Variants in MAML3 observed in about 807,000 individuals in gnomAD.
MAML3 encodes the protein mastermind-like protein 3.
In MAML3, 27 loss-of-function variants were observed where a neutral mutation model predicts 101.9. That is an observed-to-expected ratio of 0.27 (90% CI 0.20 to 0.37). MAML3 has a LOEUF of 0.37. Among genes scored for constraint, MAML3 ranks in the 10% least tolerant of loss-of-function variants. The pLI, the probability that MAML3 is intolerant of heterozygous loss-of-function variation, is 1.00. For missense variants in MAML3, 1,316 were observed against 1,444.9 expected (o/e 0.91, Z 1.45); for synonymous variants, 501 against 555.9 (o/e 0.90, Z 1.39).
chr4:140,056,142 C>CTCCA (rs773042761), intron 1 of MAML3, among the ~76,000 whole-genome samples: 6 of 152,184 alleles, frequency 3.9e-5, no homozygotes, highest in Non-Finnish European at 7.3e-5. Context: ...GGGGCGCCAG[C>CTCCA]TCCATGTGTG....
intron 1 of MAML3, among the ~76,000 whole-genome samples, chr4:140,110,197 C>T (rs917228262): frequency 2.6e-5 from 4 of 152,164 alleles, no homozygotes; most frequent in East Asian, 1.9e-4. Context: ...GGAAATCAGA[C>T]GGTAAAATGT....
chr4:140,133,352 T>G (rs1029460482), intron 1 of MAML3, among the ~76,000 whole-genome samples: 1 of 152,188 alleles, frequency 6.6e-6, no homozygotes, highest in African/African-American at 2.4e-5. Context: ...TCTGATTGGC[T>G]TAATGTCCCC....
chr4:139,924,870 C>CA (rs1733190296), intron 1 of MAML3, among the ~76,000 whole-genome samples: 1 of 152,264 alleles, frequency 6.6e-6, no homozygotes, highest in East Asian at 1.9e-4. Flanking sequence ...TCCTGAGGAT[C>CA]AAAAATTACT....
chr4:139,895,685 A>G (rs1462846835), intron 1 of MAML3, among the ~76,000 whole-genome samples: 1 of 152,218 alleles, frequency 6.6e-6, no homozygotes, highest in African/African-American at 2.4e-5. Flanking sequence ...GCAAAACCCT[A>G]ATGTTTTCTA....
intron 2 of MAML3, among the ~76,000 whole-genome samples, chr4:139,756,489 A>T (rs1729653354): frequency 6.6e-6 from 1 of 152,204 alleles, no homozygotes; most frequent in African/African-American, 2.4e-5. Context: ...ATTATACCTG[A>T]GAGTCAAGGA....
At chr4:139,768,911 G>A (rs1259334221) in intron 2 of MAML3, among the ~76,000 whole-genome samples, 1 of 152,222 alleles carries the variant, frequency 6.6e-6, no homozygotes, top group Non-Finnish European at 1.5e-5. Flanking sequence ...GGATGTGACT[G>A]TTTAAATTCA....
chr4:139,791,820 T>C (rs1027096801), intron 2 of MAML3, among the ~76,000 whole-genome samples: 7 of 152,218 alleles, frequency 4.6e-5, no homozygotes, highest in Admixed American at 3.3e-4. Flanking sequence ...AGTTGTTCTG[T>C]ATCACATCCT....
rs78781108 is a variant in MAML3, at chr4:139,731,764, A to G, written c.2080-1097T>C. On this transcript the variant is annotated intron_variant, in intron 2 of 4. Transcript: ENST00000509479. ...CTTAGGGAAGAGGAGGTCAAGTGGT[A>G]AAGACCTAATTCCACACAGCCCAGG... is the stretch of plus-strand genomic sequence containing the variant. 1.3e-4 allele frequency among the ~76,000 whole-genome samples: 20 copies of G among 152,338 alleles called. No individual in the cohort carries two copies. The East Asian group carries it at 3.9e-3, about 29-fold the overall frequency.
intron 2 of MAML3, among the ~76,000 whole-genome samples, chr4:139,822,591 G>A (rs1031932794): frequency 2.0e-5 from 3 of 152,148 alleles, no homozygotes; most frequent in African/African-American, 7.2e-5. Context: ...ATCAGAATTG[G>A]AGCTTCCTTT....
chr4:139,853,795 A>G (rs1466965811), intron 2 of MAML3, among the ~76,000 whole-genome samples: 2 of 152,056 alleles, frequency 1.3e-5, no homozygotes, highest in East Asian at 1.9e-4. Context: ...ATGAGCAGCT[A>G]TGAGACCTTG....
At chr4:140,042,869 C>T (rs144723543) in intron 1 of MAML3, among the ~76,000 whole-genome samples, 78 of 152,182 alleles carry the variant, frequency 5.1e-4, no homozygotes, top group Admixed American at 2.1e-3. Context: ...TTTGAAGCTT[C>T]GGTTAGTGGC....
intron 2 of MAML3, among the ~76,000 whole-genome samples, chr4:139,804,441 A>G (rs929800875): frequency 1.7e-4 from 26 of 151,844 alleles, no homozygotes; most frequent in African/African-American, 5.8e-4. Flanking sequence ...TAATTTTTGT[A>G]TTTTCAGTAG....
chr4:139,789,264 C>T (rs915954029), intron 2 of MAML3, among the ~76,000 whole-genome samples: 1 of 152,090 alleles, frequency 6.6e-6, no homozygotes, highest in African/African-American at 2.4e-5. Flanking sequence ...ATGTGGCAAG[C>T]ATCTTAAAAG....
At chr4:140,028,253 C>G (rs1174965549) in intron 1 of MAML3, among the ~76,000 whole-genome samples, 1 of 152,120 alleles carries the variant, frequency 6.6e-6, no homozygotes, top group East Asian at 1.9e-4. Context: ...AGAGAGAAAG[C>G]ATGTGTGGCT....
intron 3 of MAML3, 49 bp downstream of exon 3, chr4:139,730,367 A>G (rs777860854): frequency 3.2e-5 from 49 of 1,515,842 alleles, no homozygotes; most frequent in Non-Finnish European, 8.0e-6. Flanking sequence ...CAGGTGCTGA[A>G]TAAGTGCTTG....
At chr4:140,148,939 G>C (rs1301208067) in intron 1 of MAML3, among the ~76,000 whole-genome samples, 1 of 152,206 alleles carries the variant, frequency 6.6e-6, no homozygotes, top group African/African-American at 2.4e-5. Flanking sequence ...ATACAGTGAA[G>C]AGGTCATGAA....
At chr4:140,122,723 C>A (rs930746819) in intron 1 of MAML3, among the ~76,000 whole-genome samples, 1 of 138,698 alleles carries the variant, frequency 7.2e-6, no homozygotes, top group Admixed American at 7.8e-5. Flanking sequence ...ACCCGGGAGG[C>A]GGAGCTTGCA....
chr4:140,038,218 C>G (rs1727020450), intron 1 of MAML3, among the ~76,000 whole-genome samples: 1 of 103,096 alleles, frequency 9.7e-6, no homozygotes, highest in Admixed American at 1.0e-4. Flanking sequence ...ACCACAGAAC[C>G]ACAGAACTTC....
intron 1 of MAML3, among the ~76,000 whole-genome samples, chr4:140,079,446 A>G (rs1312141920): frequency 3.3e-5 from 5 of 151,982 alleles, no homozygotes; most frequent in African/African-American, 1.2e-4. Flanking sequence ...GGCACCCACC[A>G]CCACACTCTG....
Sources: allele counts gnomAD v4.1 joint callset (sites outside exome capture counted in the v4.1 genomes callset), GRCh38; gene constraint gnomAD v4.1.1; transcripts MANE v1.5; gene names NCBI Gene and HGNC (gene_info 2026-07-23, HGNC 2026-07-21).